PTPRD: variants seen among roughly 807,000 people sequenced by gnomAD.
PTPRD encodes protein tyrosine phosphatase receptor type D.
Under a neutral mutation model 214.5 loss-of-function variants are expected in PTPRD, and 34 were observed. The ratio of observed to expected loss-of-function variants is 0.16; its 90% CI spans 0.12 to 0.21. PTPRD has a LOEUF of 0.21. Among genes scored for constraint, PTPRD ranks in the 10% least tolerant of loss-of-function variants. The probability of loss-of-function intolerance (pLI) is 1.00; values close to 1 mark genes in which losing one functional copy is unlikely to be tolerated. For synonymous variants in PTPRD, 1,128 were observed against 845.7 expected (o/e 1.33, Z -5.79); for missense variants, 2,545 against 2,398.7 (o/e 1.06, Z -1.27).
intron 12 of PTPRD, among the ~76,000 whole-genome samples, chr9:8,644,643 C>T (rs1232498413): frequency 6.6e-6 from 1 of 152,224 alleles, no homozygotes. Context: ...CCAGGTGCCA[C>T]TGCATTCACC....
intron 3 of PTPRD, among the ~76,000 whole-genome samples, chr9:10,282,856 C>CCCTGA (rs757399953): frequency 2.0e-5 from 3 of 152,072 alleles, no homozygotes; most frequent in Non-Finnish European, 4.4e-5. Context: ...GCAAAGCATA[C>CCCTGA]CCTGATACAC....
intron 8 of PTPRD, among the ~76,000 whole-genome samples, chr9:9,571,781 T>C (rs973131925): frequency 6.6e-6 from 1 of 151,024 alleles, no homozygotes; most frequent in Admixed American, 6.6e-5. Context: ...CATTAAATTA[T>C]TAAATAACTA....
At chr9:9,646,248 A>T (rs2096160740) in intron 7 of PTPRD, among the ~76,000 whole-genome samples, 1 of 150,860 alleles carries the variant, frequency 6.6e-6, no homozygotes, top group South Asian at 2.1e-4. Flanking sequence ...CTTGATGGAA[A>T]GTTTTCTTGG....
At position 9,734,532 on chromosome 9, in the gene PTPRD, C is replaced by T. The variant is rs1304571330; in HGVS notation, c.-287+1G>A. The T allele has an allele frequency of 6.6e-6, 1 of 151,698 alleles. No individual in the cohort carries two copies. Among genetic ancestry groups the T allele is most frequent in the Admixed American group, 6.6e-5 (1 of 15,222 alleles). 9.4% of individuals were successfully genotyped at this position (151,698 alleles called of 1,614,324 possible). ...GAGTCCCAAAGAAAAAAATATCTCA[C>T]CAGATTTTTGAAGTTACCAGAAGAT... is the stretch of plus-strand genomic sequence containing the variant. On this transcript the variant is annotated splice_donor_variant, in intron 7 of 45. Coordinates refer to ENST00000381196, the MANE Select transcript of PTPRD (RefSeq NM_002839.4). LOFTEE classifies it low-confidence loss of function (5UTR_SPLICE).
intron 5 of PTPRD, among the ~76,000 whole-genome samples, chr9:9,913,963 A>C (rs556374486): frequency 3.8e-4 from 58 of 152,294 alleles, no homozygotes; most frequent in Middle Eastern, 3.4e-3. Flanking sequence ...AGCCGACAAT[A>C]GTGACTGAAT....
intron 2 of PTPRD, among the ~76,000 whole-genome samples, chr9:10,585,896 G>A (rs1387448900): frequency 6.6e-6 from 1 of 152,036 alleles, no homozygotes; most frequent in Non-Finnish European, 1.5e-5. Context: ...GCATGGGAAA[G>A]TCATATGAAA....
intron 11 of PTPRD, among the ~76,000 whole-genome samples, chr9:8,749,859 T>A (rs1483716304): frequency 1.3e-5 from 2 of 152,042 alleles, no homozygotes; most frequent in African/African-American, 4.8e-5. Flanking sequence ...CACAACACTT[T>A]GGGAGGCCAA....
At chr9:9,418,004 C>T (rs2077482251) in intron 8 of PTPRD, among the ~76,000 whole-genome samples, 2 of 152,202 alleles carry the variant, frequency 1.3e-5, no homozygotes, top group Admixed American at 1.3e-4. Flanking sequence ...TCGCTACTCT[C>T]CACTCAAATT....
At chr9:8,732,184 C>T (rs2098666904) in intron 12 of PTPRD, among the ~76,000 whole-genome samples, 1 of 152,186 alleles carries the variant, frequency 6.6e-6, no homozygotes, top group Non-Finnish European at 1.5e-5. Context: ...CCTTTCTAAA[C>T]TCCACATCTG....
chr9:10,513,676 C>T (rs1420463796), intron 2 of PTPRD, among the ~76,000 whole-genome samples: 1 of 152,120 alleles, frequency 6.6e-6, no homozygotes, highest in Admixed American at 6.6e-5. Context: ...ATGTGTGTCA[C>T]TTCCTGGTGA....
chr9:9,135,202 C>T (rs949439833), intron 10 of PTPRD, among the ~76,000 whole-genome samples: 1 of 152,168 alleles, frequency 6.6e-6, no homozygotes, highest in African/African-American at 2.4e-5. Flanking sequence ...TCATGTCTTT[C>T]CACTCTGATT....
At chr9:9,836,255 G>T (rs1185470482) in intron 5 of PTPRD, among the ~76,000 whole-genome samples, 1 of 152,134 alleles carries the variant, frequency 6.6e-6, no homozygotes, top group East Asian at 1.9e-4. Context: ...CCATGTACAA[G>T]TTAACTTAAG....
chr9:8,576,224 T>A (rs1435375703), intron 14 of PTPRD, among the ~76,000 whole-genome samples: 1 of 152,196 alleles, frequency 6.6e-6, no homozygotes, highest in Admixed American at 6.5e-5. Context: ...TTCTTGATTC[T>A]ATCATATTTA....
chr9:9,108,445 A>G (rs1051155177), intron 10 of PTPRD, among the ~76,000 whole-genome samples: 2 of 152,194 alleles, frequency 1.3e-5, no homozygotes, highest in Non-Finnish European at 1.5e-5. Context: ...TAACAAATTT[A>G]CTAAACAAAT....
At chr9:9,475,394 T>A (rs901550482) in intron 8 of PTPRD, among the ~76,000 whole-genome samples, 1 of 152,166 alleles carries the variant, frequency 6.6e-6, no homozygotes, top group Non-Finnish European at 1.5e-5. Flanking sequence ...TAACAGCTGT[T>A]ATGGAAGATT....
intron 14 of PTPRD, among the ~76,000 whole-genome samples, chr9:8,565,560 TACAG>T (rs950059519): frequency 3.9e-4 from 59 of 152,268 alleles, no homozygotes; most frequent in African/African-American, 1.3e-3. Flanking sequence ...GTTGCTACCA[TACAG>T]AAATAGGTGC....
chr9:8,467,160 T>C (rs2096560895), intron 31 of PTPRD, among the ~76,000 whole-genome samples: 2 of 151,936 alleles, frequency 1.3e-5, no homozygotes, highest in Non-Finnish European at 2.9e-5. Flanking sequence ...TTAAGTTTAT[T>C]GATGCAATTA....
At chr9:10,412,638 AC>A (rs2098448508) in intron 2 of PTPRD, among the ~76,000 whole-genome samples, 2 of 5,056 alleles carry the variant, frequency 4.0e-4, no homozygotes, top group Non-Finnish European at 1.3e-3. Flanking sequence ...ACACAAACAC[AC>A]ACACACACAC....
At chr9:10,542,530 A>G (rs754974075) in intron 2 of PTPRD, among the ~76,000 whole-genome samples, 23 of 151,432 alleles carry the variant, frequency 1.5e-4, no homozygotes, top group Non-Finnish European at 2.4e-4. Flanking sequence ...TTAAATACCT[A>G]GTGATGTTGT....
Sources: gnomAD v4.1 joint callset for allele counts (sites outside exome capture counted in the v4.1 genomes callset) on GRCh38, gnomAD v4.1.1 for gene constraint, MANE v1.5 for transcripts, NCBI Gene and HGNC (gene_info 2026-07-23, HGNC 2026-07-21) for gene names.